The following VKORC1L1 variants were observed in gnomAD, a reference collection of about 807,000 sequenced individuals.
VKORC1L1 encodes vitamin K epoxide reductase complex subunit 1L1.
A neutral mutation model predicts 18.9 loss-of-function variants in VKORC1L1; 2 were observed. That is an observed-to-expected ratio of 0.11 (90% CI 0.04 to 0.33). The LOEUF (loss-of-function observed/expected upper bound fraction) is 0.33. VKORC1L1 is among the 10% of genes least tolerant of loss of function. The probability of loss-of-function intolerance (pLI) is 1.00; values close to 1 mark genes in which losing one functional copy is unlikely to be tolerated. For missense variants in VKORC1L1, 123 were observed against 224.1 expected (o/e 0.55, Z 2.88); for synonymous variants, 96 against 100.0 (o/e 0.96, Z 0.24).
At chr7:65,921,702 G>A (rs984979696) in intron 1 of VKORC1L1, among the ~76,000 whole-genome samples, 24 of 152,252 alleles carry the variant, frequency 1.6e-4, no homozygotes, top group Admixed American at 1.6e-3. Context: ...CAAAAAATTA[G>A]CCGGGCGTGG....
intron 1 of VKORC1L1, among the ~76,000 whole-genome samples, chr7:65,887,143 C>T (rs1306552247): frequency 6.6e-6 from 1 of 152,080 alleles, no homozygotes. Flanking sequence ...GCCACCATGC[C>T]TGGCCGGGAA....
chr7:65,915,082 C>CTTTTTTTTTCTTTTTTTTTTT, intron 1 of VKORC1L1, among the ~76,000 whole-genome samples: 1 of 141,046 alleles, frequency 7.1e-6, no homozygotes, highest in Non-Finnish European at 1.5e-5. Context: ...TATTTTTTTT[C>CTTTTTTTTTCTTTTTTTTTTT]TTTTTTTTTT....
intron 1 of VKORC1L1, among the ~76,000 whole-genome samples, chr7:65,883,574 A>G (rs1269373679): frequency 6.6e-6 from 1 of 152,044 alleles, no homozygotes; most frequent in African/African-American, 2.4e-5. Flanking sequence ...TTCTCGGCTC[A>G]CTGCAACCTC....
intron 1 of VKORC1L1, among the ~76,000 whole-genome samples, chr7:65,900,600 C>T (rs918454649): frequency 2.0e-5 from 3 of 151,968 alleles, no homozygotes; most frequent in Non-Finnish European, 2.9e-5. Flanking sequence ...GCCAGGAGTT[C>T]GAGACCAGCC....
At chr7:65,913,173 A>G (rs1444634478) in intron 1 of VKORC1L1, among the ~76,000 whole-genome samples, 2 of 152,218 alleles carry the variant, frequency 1.3e-5, no homozygotes, top group Non-Finnish European at 2.9e-5. Context: ...ATAACTATGA[A>G]AAATTGAATT....
intron 1 of VKORC1L1, among the ~76,000 whole-genome samples, chr7:65,933,699 A>G (rs2115674694): frequency 6.6e-6 from 1 of 152,232 alleles, no homozygotes; most frequent in Non-Finnish European, 1.5e-5. Flanking sequence ...TGTAATTGTT[A>G]GTATGTTTAG....
At chr7:65,933,841 A>G (rs954895104) in intron 1 of VKORC1L1, among the ~76,000 whole-genome samples, 7 of 152,144 alleles carry the variant, frequency 4.6e-5, no homozygotes, top group African/African-American at 1.7e-4. Flanking sequence ...GTAGCTCTAG[A>G]GATTACAGTA....
At chr7:65,918,197 T>G (rs1468301471) in intron 1 of VKORC1L1, among the ~76,000 whole-genome samples, 3 of 152,224 alleles carry the variant, frequency 2.0e-5, no homozygotes, top group Non-Finnish European at 4.4e-5. Context: ...TAGAAGATCA[T>G]ATAAATGGAA....
Position 65,954,062 on chromosome 7 carries a change from C to T in VKORC1L1, c.305-12C>T. On this transcript the variant is annotated splice_polypyrimidine_tract_variant and intron_variant, in intron 2 of 2. Coordinates refer to ENST00000360768, the MANE Select transcript of VKORC1L1 (RefSeq NM_173517.6). ...CCAAGGCCTGACTGAGCCTGCGTCT[C>T]TTCTCTTACAGGCATGACAGCAAGC... The T allele has an allele frequency of 1.3e-6, 2 of 1,584,524 alleles. No individual in the cohort carries two copies. The highest frequency in any genetic ancestry group is 1.7e-6 in the Non-Finnish European group (2 of 1,159,644).
Position 65,954,400 on chromosome 7 carries a change from GAC to G in VKORC1L1, c.*103_*104del. On this transcript the variant is annotated 3_prime_UTR_variant, in exon 3 of 3. Transcript: ENST00000360768. ...ATTATTATTATTATTATTCACAACAGACACTTTCCCTAAGAATCTCAAACTGA... is the reference window on the plus strand; with the variant it reads ...ATTATTATTATTATTATTCACAACAGACTTTCCCTAAGAATCTCAAACTGA... 1 of 1,426,986 alleles carries G rather than the reference GAC, an allele frequency of 7.0e-7. No individual in the cohort carries two copies. Among genetic ancestry groups the G allele is most frequent in the Non-Finnish European group, 9.2e-7 (1 of 1,090,024 alleles). 88.4% of individuals were successfully genotyped at this position (1,426,986 alleles called of 1,614,324 possible).
At chr7:65,897,314 A>C (rs1276334293) in intron 1 of VKORC1L1, among the ~76,000 whole-genome samples, 1 of 152,230 alleles carries the variant, frequency 6.6e-6, no homozygotes, top group Non-Finnish European at 1.5e-5. Flanking sequence ...TACCCGATTA[A>C]CATGATTAAG....
intron 2 of VKORC1L1, among the ~76,000 whole-genome samples, chr7:65,951,386 C>T (rs1790210258): frequency 6.6e-6 from 1 of 152,002 alleles, no homozygotes; most frequent in South Asian, 2.1e-4. Context: ...CCAGCCTGGC[C>T]AACATGGTGA....
chr7:65,876,495 CTG>C (rs1338107924), intron 1 of VKORC1L1, among the ~76,000 whole-genome samples: 1 of 149,506 alleles, frequency 6.7e-6, no homozygotes, highest in Non-Finnish European at 1.5e-5. Flanking sequence ...GAACGAGACT[CTG>C]TCTTTAAAAA....
chr7:65,900,922 A>G (rs1052583991), intron 1 of VKORC1L1, among the ~76,000 whole-genome samples: 2 of 152,254 alleles, frequency 1.3e-5, no homozygotes, highest in Admixed American at 1.3e-4. Flanking sequence ...AAGGCCAGTC[A>G]CGTAGTACTT....
intron 1 of VKORC1L1, among the ~76,000 whole-genome samples, chr7:65,913,608 C>A (rs1442281652): frequency 1.3e-5 from 2 of 151,150 alleles, no homozygotes; most frequent in Non-Finnish European, 2.9e-5. Flanking sequence ...TGCCTGTAAT[C>A]CCAGCTACTC....
intron 1 of VKORC1L1, among the ~76,000 whole-genome samples, chr7:65,924,466 G>A (rs1161308417): frequency 6.6e-6 from 1 of 152,152 alleles, no homozygotes; most frequent in African/African-American, 2.4e-5. Context: ...AGGCTTCACG[G>A]GCCATAGGAT....
At chr7:65,889,701 T>TA (rs1167948206) in intron 1 of VKORC1L1, among the ~76,000 whole-genome samples, 1 of 152,226 alleles carries the variant, frequency 6.6e-6, no homozygotes, top group Middle Eastern at 3.2e-3. Flanking sequence ...TCTCAAAAGT[T>TA]ACCTCTGTCC....
intron 2 of VKORC1L1, among the ~76,000 whole-genome samples, chr7:65,949,901 T>G (rs879855721): frequency 2.0e-5 from 3 of 152,218 alleles, no homozygotes; most frequent in Non-Finnish European, 2.9e-5. Flanking sequence ...GTGATCAACT[T>G]TGTTTAAAGA....
intron 1 of VKORC1L1, among the ~76,000 whole-genome samples, chr7:65,940,799 G>C (rs1790020498): frequency 6.6e-6 from 1 of 152,140 alleles, no homozygotes; most frequent in Non-Finnish European, 1.5e-5. Context: ...TGCTCAAAAG[G>C]AAATATGATG....
Sources: allele counts gnomAD v4.1 joint callset (sites outside exome capture counted in the v4.1 genomes callset), GRCh38; gene constraint gnomAD v4.1.1; transcripts MANE v1.5; gene names NCBI Gene and HGNC (gene_info 2026-07-23, HGNC 2026-07-21).